Variants in SPRY3 observed in about 807,000 individuals in gnomAD.
SPRY3 encodes sprouty RTK signaling antagonist 3.
SPRY3 carries 15 observed loss-of-function variants against 20.2 expected under a neutral mutation model. That is an observed-to-expected ratio of 0.74 (90% confidence interval 0.50 to 1.14). The LOEUF is 1.14. Among genes scored for constraint, SPRY3 ranks in the 50% most tolerant of loss-of-function variants. The probability of loss-of-function intolerance (pLI) is 0.00; values close to 1 mark genes in which losing one functional copy is unlikely to be tolerated. For synonymous variants in SPRY3, 143 were observed against 136.5 expected (o/e 1.05, Z -0.33); for missense variants, 364 against 363.9 (o/e 1.00, Z 0.00).
intron 2 of SPRY3, among the ~76,000 whole-genome samples, chrX:155,754,023 C>G (rs1400801090): frequency 6.6e-6 from 1 of 151,868 alleles, no homozygotes; most frequent in East Asian, 1.9e-4. Flanking sequence ...AACATTTTCT[C>G]CTATTCTGTG....
chrX:155,644,515 T>C (rs2067951512), intron 1 of SPRY3, among the ~76,000 whole-genome samples: 1 of 110,759 alleles, frequency 9.0e-6, no homozygotes, highest in Non-Finnish European at 1.9e-5. Context: ...TTCTACCTGG[T>C]GTTCTATTGT....
At chrX:155,628,220 G>A (rs1460037357) in intron 1 of SPRY3, among the ~76,000 whole-genome samples, 1 of 111,923 alleles carries the variant, frequency 8.9e-6, no homozygotes, top group Non-Finnish European at 1.9e-5. Flanking sequence ...CTAGCTCCTT[G>A]AGGAATTGCC....
chrX:155,743,933 G>C (rs916735261), intron 2 of SPRY3, among the ~76,000 whole-genome samples: 48 of 152,050 alleles, frequency 3.2e-4, no homozygotes, highest in African/African-American at 1.2e-3. Flanking sequence ...TATATTAAGA[G>C]ATAAATGTGT....
chrX:155,714,947 C>T (rs745980956), intron 2 of SPRY3, among the ~76,000 whole-genome samples: 7 of 152,156 alleles, frequency 4.6e-5, no homozygotes, highest in African/African-American at 1.7e-4. Flanking sequence ...TGAATGCTGC[C>T]ATTCCTGGGA....
intron 2 of SPRY3, among the ~76,000 whole-genome samples, chrX:155,661,083 G>T (rs987933101): frequency 3.6e-5 from 4 of 111,272 alleles, no homozygotes; most frequent in African/African-American, 1.3e-4. Flanking sequence ...TTGTTATATA[G>T]GTGTTTTTTA....
chrX:155,637,108 A>G (rs1431304155), intron 1 of SPRY3, among the ~76,000 whole-genome samples: 2 of 106,773 alleles, frequency 1.9e-5, no homozygotes, highest in East Asian at 3.0e-4. Flanking sequence ...TGGGTGCAGC[A>G]CACCAGCATG....
At chrX:155,765,408 T>G in intron 2 of SPRY3, among the ~76,000 whole-genome samples, 1 of 152,134 alleles carries the variant, frequency 6.6e-6, no homozygotes, top group East Asian at 1.9e-4. Context: ...ATCAGTATAA[T>G]TCATTAATAT....
At chrX:155,617,437 T>A (rs2067857247) in intron 1 of SPRY3, among the ~76,000 whole-genome samples, 1 of 111,398 alleles carries the variant, frequency 9.0e-6, no homozygotes, top group South Asian at 3.8e-4. Context: ...CAGCCCATGA[T>A]TATGATCCCC....
intron 2 of SPRY3, among the ~76,000 whole-genome samples, chrX:155,675,097 A>G (rs2068055259): frequency 8.9e-6 from 1 of 111,874 alleles, no homozygotes; most frequent in Non-Finnish European, 1.9e-5. Flanking sequence ...TTTCAATATA[A>G]TGTTTGACAA....
chrX:155,658,804 T>A (rs1228849000), intron 2 of SPRY3, among the ~76,000 whole-genome samples: 2 of 112,182 alleles, frequency 1.8e-5, no homozygotes, highest in Non-Finnish European at 3.8e-5. Context: ...CCATTCGGTA[T>A]GATGTTGGCT....
chrX:155,722,456 G>A (rs1343555854), intron 2 of SPRY3, among the ~76,000 whole-genome samples: 2 of 152,218 alleles, frequency 1.3e-5, no homozygotes, highest in South Asian at 4.2e-4. Context: ...AGGAGGTGGA[G>A]GTTGCAGTGA....
intron 1 of SPRY3, 57 bp downstream of exon 1, chrX:155,612,704 G>A (rs1557348479): frequency 8.9e-6 from 1 of 112,658 alleles, no homozygotes; most frequent in Non-Finnish European, 1.9e-5. Context: ...GCCGCCCACT[G>A]CGACAGGCCT....
intron 2 of SPRY3, among the ~76,000 whole-genome samples, chrX:155,705,165 TATA>T (rs1428395203): frequency 4.6e-5 from 7 of 151,504 alleles, no homozygotes; most frequent in African/African-American, 1.7e-4. Context: ...AAAGAAAAAA[TATA>T]ATAATTTATT....
At chrX:155,770,487 G>C (rs1270152332) in intron 3 of SPRY3, among the ~76,000 whole-genome samples, 1 of 152,152 alleles carries the variant, frequency 6.6e-6, no homozygotes, top group Non-Finnish European at 1.5e-5. Flanking sequence ...CCTGGCCAGA[G>C]AGACTGTGAT....
intron 3 of SPRY3, among the ~76,000 whole-genome samples, 162 bp downstream of exon 2, chrX:155,768,298 T>A (rs2091357785): frequency 6.6e-6 from 1 of 152,156 alleles, no homozygotes; most frequent in South Asian, 2.1e-4. Context: ...ATGAAAACCC[T>A]TTAAATTATA....
chrX:155,666,312 G>T, intron 2 of SPRY3, among the ~76,000 whole-genome samples: 1 of 111,052 alleles, frequency 9.0e-6, no homozygotes, highest in African/African-American at 3.3e-5. Flanking sequence ...TATATTTATG[G>T]GATAGATCAT....
chrX:155,750,328 T>C (rs1311473434), intron 2 of SPRY3, among the ~76,000 whole-genome samples: 1 of 151,842 alleles, frequency 6.6e-6, no homozygotes, highest in African/African-American at 2.4e-5. Context: ...TTGGGTACTA[T>C]GCTCACTACC....
intron 2 of SPRY3, among the ~76,000 whole-genome samples, chrX:155,706,819 AT>A (rs1305958552): frequency 2.3e-4 from 34 of 151,048 alleles, no homozygotes; most frequent in Admixed American, 4.6e-4. Flanking sequence ...TGGTACATCT[AT>A]TTTAAAATTT....
At chrX:155,681,481 G>A (rs6642309) in intron 2 of SPRY3, among the ~76,000 whole-genome samples, 4 of 112,158 alleles carry the variant, frequency 3.6e-5, no homozygotes, top group East Asian at 2.8e-4. Context: ...AGAAAGAGTC[G>A]CACATCTTTC....
Sources: gnomAD v4.1 joint callset for allele counts (sites outside exome capture counted in the v4.1 genomes callset) on GRCh38, gnomAD v4.1.1 for gene constraint, MANE v1.5 for transcripts, NCBI Gene and HGNC (gene_info 2026-07-23, HGNC 2026-07-21) for gene names.